PHKG2: variants seen among roughly 807,000 people sequenced by gnomAD.
PHKG2 encodes the protein phosphorylase kinase catalytic subunit gamma 2, also known as phosphorylase b kinase gamma catalytic chain, liver/testis isoform.
A neutral mutation model predicts 44.5 loss-of-function variants in PHKG2; 28 were observed. The observed-to-expected ratio is 0.63, with a 90% CI of 0.47 to 0.86. The LOEUF (loss-of-function observed/expected upper bound fraction) is 0.86, where lower values mean the gene tolerates loss of function less well. Among genes scored for constraint, PHKG2 ranks in the 40% least tolerant of loss-of-function variants. PHKG2 has a pLI of 0.00. For missense variants in PHKG2, 498 were observed against 547.5 expected (o/e 0.91, Z 0.90); for synonymous variants, 220 against 211.2 (o/e 1.04, Z -0.36).
chr16:30,754,764 C>CA (rs2053394461), intron 6 of PHKG2: 1 of 421,842 alleles, frequency 2.4e-6, no homozygotes, highest in Non-Finnish European at 4.9e-6. Flanking sequence ...TTGGGTAATT[C>CA]AGGCTTCACT....
Position 30,756,841 on chromosome 16 carries a change from C to G in PHKG2, c.965C>G (p.Ala322Gly), listed in dbSNP as rs930832189. The G allele has an allele frequency of 2.5e-6, 4 of 1,614,170 alleles. No homozygotes were observed. Among genetic ancestry groups the G allele is most frequent in the Non-Finnish European group, 3.4e-6 (4 of 1,180,034 alleles). The change falls in exon 10 of 10, where the codon GCC becomes GGC. Residue 322 changes from alanine to glycine, a missense_variant. Physicochemically the swap from Ala to Gly is moderately conservative, Grantham distance 60 (BLOSUM62 0). Transcript: ENST00000563588. ...ACAGTGCTGGCTGCTGGACGAGTGG[C>G]CCTAAGCACCCATCGTGTACGGCCA... is the stretch of plus-strand genomic sequence containing the variant. Reference protein sequence around the residue: ...VWTVLAAGRVALSTHRVRPLT... With the variant: ...VWTVLAAGRVGLSTHRVRPLT...
chr16:30,755,132 C>CT, intron 6 of PHKG2: 1 of 321,072 alleles, frequency 3.1e-6, no homozygotes, highest in African/African-American at 2.2e-5. Context: ...ACCCCAGCTA[C>CT]TCGGGAGGCT....
intron 4 of PHKG2, 78 bp from the exon 5 acceptor site, chr16:30,753,154 A>G (rs767202097): frequency 1.8e-6 from 2 of 1,141,862 alleles, no homozygotes; most frequent in East Asian, 2.4e-5. Flanking sequence ...CTTCCACAAT[A>G]TTTTGTATGA....
rs1232526165 is a variant in PHKG2, at chr16:30,757,912, C to T, written c.*815C>T. 9.6e-6 allele frequency: 9 copies of T among 934,818 alleles called. No individual in the cohort carries two copies. Among genetic ancestry groups the T allele is most frequent in the East Asian group, 3.6e-5 (1 of 28,038 alleles). The allele number at this position is 934,818 out of a possible 1,614,324, so 57.9% of individuals were successfully genotyped here. On this transcript the variant is annotated 3_prime_UTR_variant, in exon 10 of 10. Transcript: ENST00000563588. The stretch of plus-strand genomic sequence containing the variant: ...ACCTTAGGCAGGTTATTTAACCTAT[C>T]TGTGCCTCAGTTTCCTTGTATGAAA...
chr16:30,755,511 C>G (rs2053406662), intron 6 of PHKG2, among the ~76,000 whole-genome samples: 1 of 151,014 alleles, frequency 6.6e-6, no homozygotes, highest in African/African-American at 2.4e-5. Flanking sequence ...CCTGTCTCTA[C>G]TAAAGATTCA....
At position 30,759,534 on chromosome 16, in the gene PHKG2, G is replaced by A. The variant is rs1226974998; in HGVS notation, c.*2437G>A. ...CTTTGCCTCCAAAAGCCCAGCAACA[G>A]GAGCAAGGAGAGCCCACTGGGGTCT... On this transcript the variant is annotated 3_prime_UTR_variant, in exon 10 of 10. Coordinates refer to ENST00000563588, the MANE Select transcript of PHKG2 (RefSeq NM_000294.3). 1 of 1,614,064 alleles carries A rather than the reference G, an allele frequency of 6.2e-7. No individual in the cohort carries two copies. The highest frequency in any genetic ancestry group is 8.5e-7 in the Non-Finnish European group (1 of 1,180,038).
chr16:30,759,290 G>A lies in PHKG2; in HGVS notation c.*2193G>A. On this transcript the variant is annotated 3_prime_UTR_variant, in exon 10 of 10. Transcript: ENST00000563588. ...GGGAGGCTGAAAGGAGTGCACCTGT[G>A]CTGAGGGGAGGGGCGGTTGAGGGTG... 4.3e-6 allele frequency: 7 copies of A among 1,613,344 alleles called. No homozygotes were observed. Among genetic ancestry groups the A allele is most frequent in the Non-Finnish European group, 5.9e-6 (7 of 1,179,358 alleles).
At chr16:30,750,378 C>G (rs1490084619) in intron 2 of PHKG2, among the ~76,000 whole-genome samples, 1 of 152,066 alleles carries the variant, frequency 6.6e-6, no homozygotes, top group African/African-American at 2.4e-5. Flanking sequence ...TAAGGCTCTG[C>G]GAAGGGCAGC....
In PHKG2 at chr16:30,759,556, G is replaced by C; in HGVS notation, c.*2459G>C. 6.2e-7 allele frequency: 1 copy of C among 1,614,134 alleles called. No homozygotes were observed. Among genetic ancestry groups the C allele is most frequent in the South Asian group, 1.1e-5 (1 of 91,076 alleles). The stretch of plus-strand genomic sequence containing the variant: ...ACAGGAGCAAGGAGAGCCCACTGGG[G>C]TCTTCACAAGAAGATAAGGGTGATG... On this transcript the variant is annotated 3_prime_UTR_variant, in exon 10 of 10. Coordinates refer to ENST00000563588, the MANE Select transcript of PHKG2 (RefSeq NM_000294.3).
rs1279483034 is a variant in PHKG2 at position 30,759,603 on chromosome 16, G to A, written c.*2506G>A. The A allele has an allele frequency of 1.2e-6, 2 of 1,614,126 alleles. No individual in the cohort carries two copies. The highest frequency in any genetic ancestry group is 3.3e-5 in the Admixed American group (2 of 60,030). The stretch of plus-strand genomic sequence containing the variant: ...GATGAATGTGAGAGAGACTGGGTGA[G>A]ACCTTGTCTGGGGATGGGTAAAGTT... On this transcript the variant is annotated 3_prime_UTR_variant, in exon 10 of 10. Coordinates refer to ENST00000563588, the MANE Select transcript of PHKG2 (RefSeq NM_000294.3).
At position 30,760,068 on chromosome 16, in the gene PHKG2, T is replaced by G; in HGVS notation, c.*2971T>G. 1 of 1,532,216 alleles carries G rather than the reference T, an allele frequency of 6.5e-7. No individual in the cohort carries two copies. The highest frequency in any genetic ancestry group is 8.7e-7 in the Non-Finnish European group (1 of 1,145,024). The allele number at this position is 1,532,216 out of a possible 1,614,324, so 94.9% of individuals were successfully genotyped here. A position where few individuals can be genotyped will look rare whatever the true frequency, so the allele number is the denominator to read the frequency against. The stretch of plus-strand genomic sequence containing the variant: ...TGCACTATGCATATATTTGCATATA[T>G]TATTTCTCAGAACAGTCCTGTAAAA... On this transcript the variant is annotated 3_prime_UTR_variant, in exon 10 of 10. Transcript: ENST00000563588.
rs1382014345 is a variant in PHKG2, at chr16:30,756,363, C to G, written c.648-4C>G. ...GTCCCGCCTGACTCCAGTCTCTTTC[C>G]CAGCTGGGCCTGTGGGGTGATCTTG... On this transcript the variant is annotated splice_polypyrimidine_tract_variant and splice_region_variant and intron_variant, in intron 7 of 9. Transcript: ENST00000563588. The G allele has an allele frequency of 2.9e-5, 47 of 1,614,056 alleles. No individual in the cohort carries two copies. The highest frequency in any genetic ancestry group is 3.9e-5 in the Non-Finnish European group (46 of 1,180,032).
chr16:30,760,588 G>GCC lies in PHKG2; in HGVS notation c.*3496_*3497dup. 6.4e-7 allele frequency: 1 copy of GCC among 1,560,832 alleles called. No homozygotes were observed. The highest frequency in any genetic ancestry group is 8.7e-7 in the Non-Finnish European group (1 of 1,151,850). On this transcript the variant is annotated 3_prime_UTR_variant, in exon 10 of 10. Transcript: ENST00000563588. ...AGCCTTTGCCAAGAGCTCTTCCCACGCCCCCCTCAGTCCCTACTCCCTCAT... is the reference window on the plus strand; with the variant it reads ...AGCCTTTGCCAAGAGCTCTTCCCACGCCCCCCCCTCAGTCCCTACTCCCTCAT...
intron 6 of PHKG2, chr16:30,755,293 G>A (rs1235582750): frequency 5.6e-6 from 1 of 179,426 alleles, no homozygotes; most frequent in African/African-American, 2.4e-5. Flanking sequence ...GGAGGGCTCT[G>A]GACTTTAGAA....
At position 30,761,007 on chromosome 16, in the gene PHKG2, CT is replaced by C. The variant is rs1361477644; in HGVS notation, c.*3917del. 1.5e-6 allele frequency: 1 copy of C among 654,040 alleles called. No homozygotes were observed. Among genetic ancestry groups the C allele is most frequent in the Non-Finnish European group, 2.6e-6 (1 of 384,026 alleles). The allele number at this position is 654,040 out of a possible 1,614,324, so 40.5% of individuals were successfully genotyped here. On this transcript the variant is annotated 3_prime_UTR_variant, in exon 10 of 10. Transcript: ENST00000563588. ...CTCCATTTACATTCTGTCTTTGGCTCTTTTTTTCTCACACTGCCTCCTCTTT... is the reference window on the plus strand; with the variant it reads ...CTCCATTTACATTCTGTCTTTGGCTCTTTTTTCTCACACTGCCTCCTCTTT...
Position 30,759,485 on chromosome 16 carries a change from CCTGA to C in PHKG2, c.*2391_*2394del. 6.2e-7 allele frequency: 1 copy of C among 1,614,162 alleles called. No individual in the cohort carries two copies. The highest frequency in any genetic ancestry group is 1.1e-5 in the South Asian group (1 of 91,076). ...TGTGGTGGTGACTCGGAATTAGAAC[CCTGA>C]CTACCTTCCGGAGCCCTGGCTTTGC... On this transcript the variant is annotated 3_prime_UTR_variant, in exon 10 of 10. Transcript: ENST00000563588.
In PHKG2 at chr16:30,757,851, A is replaced by G. The variant is rs1388770365; in HGVS notation, c.*754A>G. On this transcript the variant is annotated 3_prime_UTR_variant, in exon 10 of 10. Coordinates refer to ENST00000563588, the MANE Select transcript of PHKG2 (RefSeq NM_000294.3). ...GTAGGGTGGCTATGCTGGACTTTGC[A>G]GCTTCAAATTCTGATCCCTACTCAG... 5 of 1,390,594 alleles carry G rather than the reference A, an allele frequency of 3.6e-6. No individual in the cohort carries two copies. The highest frequency in any genetic ancestry group is 1.6e-5 in the South Asian group (1 of 61,484). 86.1% of individuals were successfully genotyped at this position (1,390,594 alleles called of 1,614,324 possible). A position where few individuals can be genotyped will look rare whatever the true frequency, so the allele number is the denominator to read the frequency against.
intron 6 of PHKG2, among the ~76,000 whole-genome samples, chr16:30,754,484 C>T (rs879915791): frequency 6.6e-6 from 1 of 152,144 alleles, no homozygotes; most frequent in African/African-American, 2.4e-5. Context: ...CTTTATATGG[C>T]TTATTCCCCT....
chr16:30,751,622 C>G lies in PHKG2; in HGVS notation c.326+19C>G. 6.2e-7 allele frequency: 1 copy of G among 1,605,782 alleles called. No individual in the cohort carries two copies. Reference sequence around the variant, plus strand: ...TTGACCTGTGAGTATCTCCCTGCCACCATCTGAGAAGCCTCCTCCCCACCT... The same window carrying G: ...TTGACCTGTGAGTATCTCCCTGCCAGCATCTGAGAAGCCTCCTCCCCACCT... On this transcript the variant is annotated intron_variant, in intron 4 of 9. Coordinates refer to ENST00000563588, the MANE Select transcript of PHKG2 (RefSeq NM_000294.3).
Sources: allele counts gnomAD v4.1 joint callset (sites outside exome capture counted in the v4.1 genomes callset), GRCh38; gene constraint gnomAD v4.1.1; transcripts MANE v1.5; gene names NCBI Gene and HGNC (gene_info 2026-07-23, HGNC 2026-07-21).